SUPT6H: variants seen among roughly 807,000 people sequenced by gnomAD.
The protein encoded by SUPT6H is SPT6 homolog, histone chaperone and transcription elongation factor, also known as transcription elongation factor SPT6.
In SUPT6H, 11 loss-of-function variants were observed where a neutral mutation model predicts 222.3. The ratio of observed to expected loss-of-function variants is 0.05; its 90% CI spans 0.03 to 0.08. The LOEUF (loss-of-function observed/expected upper bound fraction) is 0.08. SUPT6H is among the 10% of genes least tolerant of loss of function. The pLI is 1.00. For missense variants in SUPT6H, 1,422 were observed against 2,216.0 expected, an observed-to-expected ratio of 0.64 and a Z score of 7.19; for synonymous variants, 762 against 801.2, an observed-to-expected ratio of 0.95 and a Z score of 0.83.
At chr17:28,681,543 A>G (rs1597701455) in intron 12 of SUPT6H, 139 bp downstream of exon 12, 2 of 1,117,552 alleles carry the variant, frequency 1.8e-6, no homozygotes, top group Non-Finnish European at 2.5e-6. Context: ...CCAACATGGC[A>G]AAACCCCATC....
intron 1 of SUPT6H, among the ~76,000 whole-genome samples, chr17:28,669,890 C>T (rs1456419310): frequency 6.6e-6 from 1 of 152,220 alleles, no homozygotes; most frequent in Non-Finnish European, 1.5e-5. Flanking sequence ...GAGCCAGGAT[C>T]GTGCCATTGC....
At chr17:28,676,462 A>G (rs1301452211) in intron 7 of SUPT6H, 32 bp downstream of exon 7, 17 of 1,611,246 alleles carry the variant, frequency 1.1e-5, no homozygotes, top group Non-Finnish European at 1.4e-5. Context: ...CTCTTCTACC[A>G]ATCCATAATT....
chr17:28,667,439 A>G (rs945389105), intron 1 of SUPT6H, among the ~76,000 whole-genome samples: 157 of 119,390 alleles, frequency 1.3e-3, no homozygotes, highest in Middle Eastern at 4.2e-3. Context: ...ATATATATGT[A>G]TGTGTGTGTG....
intron 29 of SUPT6H, 128 bp from the exon 30 acceptor site, chr17:28,696,716 G>A (rs1006939084): frequency 3.5e-5 from 29 of 830,738 alleles, no homozygotes; most frequent in African/African-American, 1.7e-4. Context: ...TTTGCCACTG[G>A]CACTCCAGCC....
At chr17:28,690,285 T>C (rs2031580430) in intron 26 of SUPT6H, 56 bp downstream of exon 26, 14 of 1,589,534 alleles carry the variant, frequency 8.8e-6, no homozygotes, top group Non-Finnish European at 9.4e-6. Context: ...ACTGTGTACA[T>C]TCAAACCAAG....
rs1190667503 is a variant in SUPT6H, at chr17:28,700,041, G to C, written c.4562-132G>C. ...TCCTGCAGCCTCCCAGCACCAGGAA[G>C]GTTCTCCATCCACTGTGCCTATGCA... On this transcript the variant is annotated intron_variant, in intron 33 of 36. Transcript: ENST00000314616. The C allele has an allele frequency of 3.5e-6, 5 of 1,434,410 alleles. No individual in the cohort carries two copies. In the African/African-American group the frequency reaches 7.0e-5, roughly 20 times the overall value. 88.9% of individuals were successfully genotyped at this position (1,434,410 alleles called of 1,614,324 possible). A position where few individuals can be genotyped will look rare whatever the true frequency, so the allele number is the denominator to read the frequency against.
chr17:28,697,450 T>G (rs1013962955), intron 30 of SUPT6H, among the ~76,000 whole-genome samples, 170 bp from the exon 31 acceptor site: 1 of 152,218 alleles, frequency 6.6e-6, no homozygotes, highest in Non-Finnish European at 1.5e-5. Flanking sequence ...TTTAAAGGAC[T>G]TTATGCCCTG....
intron 21 of SUPT6H, 72 bp from the exon 22 acceptor site, chr17:28,687,016 A>T (rs960698597): frequency 3.8e-6 from 6 of 1,569,382 alleles, no homozygotes; most frequent in Non-Finnish European, 5.2e-6. Context: ...TTAAACCAGA[A>T]TGGTTTGGAT....
intron 29 of SUPT6H, among the ~76,000 whole-genome samples, chr17:28,696,469 C>T (rs903521139): frequency 8.0e-5 from 12 of 149,888 alleles, no homozygotes; most frequent in Admixed American, 5.3e-4. Flanking sequence ...TGGTGGTGGG[C>T]GCCTGTAATC....
intron 29 of SUPT6H, among the ~76,000 whole-genome samples, chr17:28,695,847 A>G (rs557360367): frequency 9.9e-5 from 15 of 152,152 alleles, no homozygotes; most frequent in Non-Finnish European, 1.8e-4. Context: ...AGAAGGTGAA[A>G]GAGTCTCAGA....
intron 2 of SUPT6H, 28 bp downstream of exon 2, chr17:28,673,538 C>A: frequency 6.6e-7 from 1 of 1,507,788 alleles, no homozygotes; most frequent in Non-Finnish European, 9.2e-7. Flanking sequence ...TCAAGCTTCT[C>A]CCCACTATTG....
At position 28,700,921 on chromosome 17, in the gene SUPT6H, A is replaced by T. The variant is rs756684228; in HGVS notation, c.4807-20A>T. 3.1e-6 allele frequency: 5 copies of T among 1,597,788 alleles called. No homozygotes were observed. The East Asian group carries it at 9.0e-5, about 29-fold the overall frequency. ...ACAAGCCCCACACCCATCCCTATTT[A>T]ACTGTTCATGCCTCTCCAGGTATTC... is the stretch of plus-strand genomic sequence containing the variant. On this transcript the variant is annotated intron_variant, in intron 35 of 36. Coordinates refer to ENST00000314616, the MANE Select transcript of SUPT6H (RefSeq NM_003170.5).
intron 19 of SUPT6H, among the ~76,000 whole-genome samples, chr17:28,685,280 CT>C (rs1191617514): frequency 6.6e-6 from 1 of 152,144 alleles, no homozygotes; most frequent in Non-Finnish European, 1.5e-5. Context: ...TGAAGCCAGC[CT>C]TTTCCCTGCT....
At position 28,696,179 on chromosome 17, in the gene SUPT6H, G is replaced by A. The variant is rs184483114; in HGVS notation, c.3970+632G>A. On this transcript the variant is annotated intron_variant, in intron 29 of 36. Coordinates refer to ENST00000314616, the MANE Select transcript of SUPT6H (RefSeq NM_003170.5). The stretch of plus-strand genomic sequence containing the variant: ...AAACTACCCAGGTGTGGTGGTGGGC[G>A]CCTGTAATCCCAGCTACTGAGGCAG... Among the ~76,000 whole-genome samples the A allele has an allele frequency of 3.7e-4, 56 of 151,672 alleles. 1 individual carries two copies. In the East Asian group the frequency reaches 0.011, roughly 29 times the overall value.
chr17:28,690,283 C>T (rs1372296164), intron 26 of SUPT6H, 54 bp downstream of exon 26: 9 of 1,589,224 alleles, frequency 5.7e-6, no homozygotes, highest in Non-Finnish European at 5.2e-6. Context: ...TTACTGTGTA[C>T]ATTCAAACCA....
rs2031709713 is a variant in SUPT6H at position 28,692,453 on chromosome 17, T to C, written c.3634-1243T>C. Among the ~76,000 whole-genome samples the C allele has an allele frequency of 1.4e-5, 2 of 146,302 alleles. 1 individual carries two copies. The highest frequency in any genetic ancestry group is 3.0e-5 in the Non-Finnish European group (2 of 66,738). On this transcript the variant is annotated intron_variant, in intron 27 of 36. Coordinates refer to ENST00000314616, the MANE Select transcript of SUPT6H (RefSeq NM_003170.5). ...TTCCAGACCAGCCTGACCAACATGA[T>C]GAAACCCCATCTCTACTAAAAATAT...
At chr17:28,670,718 C>G (rs1414283275) in intron 1 of SUPT6H, among the ~76,000 whole-genome samples, 1 of 152,066 alleles carries the variant, frequency 6.6e-6, no homozygotes, top group Non-Finnish European at 1.5e-5. Flanking sequence ...GAAACCCCCT[C>G]TCTACTAAAA....
rs1421518074 is a variant in SUPT6H at position 28,690,136 on chromosome 17, C to A, written c.3397C>A (p.Arg1133=). ...TGACATCCGGGCAGAGCTGAGCTGTCGATATAAGGACCTCCGGACAGCCTA... is the reference window on the plus strand; with the variant it reads ...TGACATCCGGGCAGAGCTGAGCTGTAGATATAAGGACCTCCGGACAGCCTA... The part of the protein sequence containing the change: ...LYDIRAELSC[R]YKDLRTAYRS... The change falls in exon 26 of 37, where the codon CGA becomes AGA. Residue 1133 remains arginine (R), a synonymous_variant. Coordinates refer to ENST00000314616, the MANE Select transcript of SUPT6H (RefSeq NM_003170.5). 7 of 1,613,540 alleles carry A rather than the reference C, an allele frequency of 4.3e-6. No homozygotes were observed. Among genetic ancestry groups the A allele is most frequent in the African/African-American group, 1.3e-5 (1 of 74,886 alleles).
chr17:28,682,123 T>A, intron 13 of SUPT6H, 143 bp downstream of exon 13: 2 of 613,520 alleles, frequency 3.3e-6, no homozygotes, highest in African/African-American at 1.8e-5. Context: ...AGCTGGTCTT[T>A]AAAAATACTC....
Sources: allele counts gnomAD v4.1 joint callset (sites outside exome capture counted in the v4.1 genomes callset), GRCh38; gene constraint gnomAD v4.1.1; transcripts MANE v1.5; gene names NCBI Gene and HGNC (gene_info 2026-07-23, HGNC 2026-07-21).